Variants in LURAP1L observed in about 807,000 individuals in gnomAD.
LURAP1L encodes the protein leucine rich adaptor protein 1-like.
A neutral mutation model predicts 13.8 loss-of-function variants in LURAP1L; 12 were observed. The observed-to-expected ratio is 0.87, with a 90% CI of 0.56 to 1.41. LURAP1L has a LOEUF of 1.41. Among genes scored for constraint, LURAP1L ranks in the 40% most tolerant of loss-of-function variants. The probability of loss-of-function intolerance (pLI) is 0.00; values close to 1 mark genes in which losing one functional copy is unlikely to be tolerated. For synonymous variants in LURAP1L, 139 were observed against 119.2 expected (o/e 1.17, Z -1.08); for missense variants, 375 against 292.9 (o/e 1.28, Z -2.04).
chr9:12,790,956 A>C (rs1168532985), intron 1 of LURAP1L, among the ~76,000 whole-genome samples: 1 of 152,154 alleles, frequency 6.6e-6, no homozygotes, highest in Non-Finnish European at 1.5e-5. Flanking sequence ...ATAGACATTT[A>C]ATTCGGTAGC....
chr9:12,800,385 G>A (rs1355385399), intron 1 of LURAP1L, among the ~76,000 whole-genome samples: 1 of 152,072 alleles, frequency 6.6e-6, no homozygotes, highest in African/African-American at 2.4e-5. Flanking sequence ...GAGTTAATTA[G>A]TAGAAGAATA....
intron 1 of LURAP1L, chr9:12,777,466 C>T (rs556227919): frequency 4.8e-5 from 47 of 985,126 alleles, no homozygotes; most frequent in East Asian, 1.1e-4. Flanking sequence ...ATATGAGGGA[C>T]GAAGACATCA....
chr9:12,785,267 C>T (rs1032243077), intron 1 of LURAP1L, among the ~76,000 whole-genome samples: 2 of 152,124 alleles, frequency 1.3e-5, no homozygotes, highest in East Asian at 3.9e-4. Context: ...TTTACTCTCC[C>T]CTCTTTTCAA....
intron 1 of LURAP1L, among the ~76,000 whole-genome samples, chr9:12,788,954 C>G (rs1316759647): frequency 1.3e-5 from 2 of 151,032 alleles, no homozygotes; most frequent in African/African-American, 4.9e-5. Context: ...TTAGTCCCAG[C>G]TTCTCAGGAG....
intron 1 of LURAP1L, among the ~76,000 whole-genome samples, chr9:12,811,338 T>C (rs1289342424): frequency 2.0e-5 from 3 of 152,240 alleles, no homozygotes; most frequent in Non-Finnish European, 4.4e-5. Context: ...CCTACTTTCA[T>C]GACCCTCAGG....
rs1159413214 is a variant in LURAP1L at position 12,776,000 on chromosome 9, C to T, written c.285C>T (p.Thr95=). 22 of 1,611,526 alleles carry T rather than the reference C, an allele frequency of 1.4e-5. No homozygotes were observed. The highest frequency in any genetic ancestry group is 1.8e-5 in the Non-Finnish European group (21 of 1,179,212). Reference sequence around the variant, plus strand: ...CTAGCGCCCTGGAGAGGCTAGAAACCAAGCTTCACCTCCTCAGGCAAGAGA... The same window carrying T: ...CTAGCGCCCTGGAGAGGCTAGAAACTAAGCTTCACCTCCTCAGGCAAGAGA... ...SHSSALERLE[T]KLHLLRQEMV... is the part of the protein sequence containing the mutation. The change falls in exon 1 of 2, where the codon ACC becomes ACT. Residue 95 remains threonine, a synonymous_variant. Coordinates refer to ENST00000319264, the MANE Select transcript of LURAP1L (RefSeq NM_203403.2).
intron 1 of LURAP1L, among the ~76,000 whole-genome samples, chr9:12,776,659 C>T (rs1178038768): frequency 2.0e-5 from 3 of 152,072 alleles, no homozygotes; most frequent in African/African-American, 7.2e-5. Flanking sequence ...TTATGAATAG[C>T]TTGTTTCACT....
intron 1 of LURAP1L, among the ~76,000 whole-genome samples, chr9:12,811,175 G>A (rs756296131): frequency 6.6e-6 from 1 of 152,062 alleles, no homozygotes; most frequent in Admixed American, 6.5e-5. Context: ...AATTAAATGA[G>A]GAATTCTGAA....
chr9:12,788,785 G>T (rs7867305), intron 1 of LURAP1L, among the ~76,000 whole-genome samples: 112,882 of 151,742 alleles, frequency 0.74, 42,315 homozygotes, highest in African/African-American at 0.82. Flanking sequence ...TTAAGCTCCT[G>T]TATTTTGTCC....
chr9:12,799,562 C>G (rs911834511), intron 1 of LURAP1L, among the ~76,000 whole-genome samples: 7 of 152,124 alleles, frequency 4.6e-5, no homozygotes, highest in African/African-American at 1.7e-4. Flanking sequence ...CATTATATTT[C>G]AACATCCTTG....
intron 1 of LURAP1L, among the ~76,000 whole-genome samples, chr9:12,793,309 T>C (rs554075875): frequency 4.6e-5 from 7 of 152,262 alleles, no homozygotes; most frequent in African/African-American, 1.7e-4. Flanking sequence ...ATATGTTTAA[T>C]ATAAAACAAC....
In LURAP1L at chr9:12,813,873, T is replaced by C. The variant is rs149741252; in HGVS notation, c.313-7513T>C. ...CAATTATTGAGGAATGAATTATCAATTGAGATTAACTGTATTTGTGACATT... is the reference window on the plus strand; with the variant it reads ...CAATTATTGAGGAATGAATTATCAACTGAGATTAACTGTATTTGTGACATT... On this transcript the variant is annotated intron_variant, in intron 1 of 1. Coordinates refer to ENST00000319264, the MANE Select transcript of LURAP1L (RefSeq NM_203403.2). 7.2e-3 allele frequency among the ~76,000 whole-genome samples: 1,100 copies of C among 152,284 alleles called. 18 individuals carry two copies. Among genetic ancestry groups the C allele is most frequent in the African/African-American group, 0.025 (1,036 of 41,548 alleles).
chr9:12,793,335 C>G (rs1415279805), intron 1 of LURAP1L, among the ~76,000 whole-genome samples: 1 of 151,974 alleles, frequency 6.6e-6, no homozygotes, highest in African/African-American at 2.4e-5. Flanking sequence ...TCTTAGATGT[C>G]TGTTTTGATA....
intron 1 of LURAP1L, among the ~76,000 whole-genome samples, chr9:12,800,303 A>G (rs73403679): frequency 2.0e-5 from 3 of 152,342 alleles, no homozygotes; most frequent in Non-Finnish European, 2.9e-5. Context: ...TACATAATGT[A>G]TACCACTTTT....
chr9:12,778,970 C>G (rs1819229833), intron 1 of LURAP1L, among the ~76,000 whole-genome samples: 1 of 152,112 alleles, frequency 6.6e-6, no homozygotes, highest in African/African-American at 2.4e-5. Flanking sequence ...TGCGTACGTA[C>G]CTATTGTAAA....
intron 1 of LURAP1L, among the ~76,000 whole-genome samples, chr9:12,815,570 C>G (rs540353900): frequency 3.3e-5 from 5 of 152,236 alleles, no homozygotes; most frequent in East Asian, 1.9e-4. Context: ...CATATTACAG[C>G]TTGCAGGATG....
chr9:12,783,825 G>A (rs1442725659), intron 1 of LURAP1L, among the ~76,000 whole-genome samples: 2 of 147,942 alleles, frequency 1.4e-5, no homozygotes, highest in Non-Finnish European at 3.0e-5. Flanking sequence ...TGAGGTCCTG[G>A]GCTTTTTTTT....
intron 1 of LURAP1L, among the ~76,000 whole-genome samples, chr9:12,799,383 T>A: frequency 6.6e-6 from 1 of 152,212 alleles, no homozygotes; most frequent in Non-Finnish European, 1.5e-5. Context: ...GTAATACATA[T>A]AATATCAGTG....
chr9:12,812,295 A>G (rs76118210), intron 1 of LURAP1L, among the ~76,000 whole-genome samples: 2,552 of 152,330 alleles, frequency 0.017, 79 homozygotes, highest in African/African-American at 0.059. Flanking sequence ...GGAACTTGTT[A>G]GAAGTACAGA....
Sources: allele counts gnomAD v4.1 joint callset (sites outside exome capture counted in the v4.1 genomes callset), GRCh38; gene constraint gnomAD v4.1.1; transcripts MANE v1.5; gene names NCBI Gene and HGNC (gene_info 2026-07-23, HGNC 2026-07-21).